AGPAT4: variants seen among roughly 807,000 people sequenced by gnomAD.
AGPAT4 encodes 1-acyl-sn-glycerol-3-phosphate acyltransferase delta.
Under a neutral mutation model 48.0 loss-of-function variants are expected in AGPAT4, and 15 were observed. The observed-to-expected ratio is 0.31, with a 90% CI of 0.21 to 0.48. The LOEUF is 0.48. AGPAT4 is among the 20% of genes least tolerant of loss of function. The pLI, the probability that AGPAT4 is intolerant of heterozygous loss-of-function variation, is 0.99. For synonymous variants in AGPAT4, 178 were observed against 198.7 expected, an observed-to-expected ratio of 0.90 and a Z score of 0.88; for missense variants, 314 against 482.5, an observed-to-expected ratio of 0.65 and a Z score of 3.27.
chr6:161,227,680 TCTC>T (rs1782018657), intron 2 of AGPAT4, among the ~76,000 whole-genome samples: 1 of 152,146 alleles, frequency 6.6e-6, no homozygotes. Context: ...CCAAATCCCT[TCTC>T]GAGTAGCAAA....
rs1474902946 is a variant in AGPAT4, at chr6:161,243,811, A to C, written c.-89-11509T>G. ...TTATCTGTTTGTTTATTTCAATAAGATTTTCCTCAGGTGGACATTTTTAGC... is the reference window on the plus strand; with the variant it reads ...TTATCTGTTTGTTTATTTCAATAAGCTTTTCCTCAGGTGGACATTTTTAGC... On this transcript the variant is annotated intron_variant, in intron 1 of 8. Coordinates refer to ENST00000320285, the MANE Select transcript of AGPAT4 (RefSeq NM_020133.3). The surrounding 1 kb of genome is among the most constrained non-coding windows in gnomAD (Gnocchi z 4.8). 6.6e-6 allele frequency among the ~76,000 whole-genome samples: 1 copy of C among 151,978 alleles called. No homozygotes were observed.
chr6:161,213,446 T>C (rs916951135), intron 2 of AGPAT4, among the ~76,000 whole-genome samples: 1 of 152,208 alleles, frequency 6.6e-6, no homozygotes, highest in African/African-American at 2.4e-5. Flanking sequence ...TTTATTATTT[T>C]CTACAGTTTG....
At chr6:161,167,303 G>C (rs1290461421) in intron 2 of AGPAT4, among the ~76,000 whole-genome samples, 1 of 152,142 alleles carries the variant, frequency 6.6e-6, no homozygotes, top group Non-Finnish European at 1.5e-5. Context: ...ACGGCTCACT[G>C]CAGCCTCAAC....
Position 161,255,026 on chromosome 6 carries a change from T to A in AGPAT4, c.-90+18912A>T, listed in dbSNP as rs1782909208. Among the ~76,000 whole-genome samples, 1 of 152,154 alleles carries A rather than the reference T, an allele frequency of 6.6e-6. No homozygotes were observed. The highest frequency in any genetic ancestry group is 1.9e-4 in the East Asian group (1 of 5,190). ...GTTCCGAGGCCATTGCAGAGCCAGA[T>A]ACGGTTACACAGCCCTTCTGAAGCA... is the stretch of plus-strand genomic sequence containing the variant. On this transcript the variant is annotated intron_variant, in intron 1 of 8. Coordinates refer to ENST00000320285, the MANE Select transcript of AGPAT4 (RefSeq NM_020133.3). The surrounding 1 kb of genome is among the most constrained non-coding windows in gnomAD (Gnocchi z 4.7).
At position 161,270,542 on chromosome 6, in the gene AGPAT4, G is replaced by A. The variant is rs962989221; in HGVS notation, c.-90+3396C>T. Among the ~76,000 whole-genome samples, 2 of 152,188 alleles carry A rather than the reference G, an allele frequency of 1.3e-5. No homozygotes were observed. Among genetic ancestry groups the A allele is most frequent in the African/African-American group, 4.8e-5 (2 of 41,448 alleles). On this transcript the variant is annotated intron_variant, in intron 1 of 8. Coordinates refer to ENST00000320285, the MANE Select transcript of AGPAT4 (RefSeq NM_020133.3). This position sits in a 1 kb window ranked among gnomAD's most constrained non-coding sequence, Gnocchi z 5.3. ...CCAGCATTCTGGGAGGCCAAGGCAG[G>A]TGCATCACCTGAGGTCAGGAGTTCG... is the stretch of plus-strand genomic sequence containing the variant.
At chr6:161,260,206 T>G (rs1337928034) in intron 1 of AGPAT4, among the ~76,000 whole-genome samples, 6 of 152,112 alleles carry the variant, frequency 3.9e-5, no homozygotes, top group African/African-American at 1.4e-4. Flanking sequence ...GGCGATGCCT[T>G]TCATTCCTGC....
chr6:161,241,122 G>A (rs1019497444), intron 1 of AGPAT4, among the ~76,000 whole-genome samples: 1 of 151,888 alleles, frequency 6.6e-6, no homozygotes, highest in Admixed American at 6.6e-5. Flanking sequence ...ATTTAGCTGG[G>A]CGTGGTGGCA....
chr6:161,146,671 G>A lies in AGPAT4; in HGVS notation c.768-72C>T, dbSNP rs1779440730. ...ACAACATACAGTTTCCAGTAACGGT[G>A]CTGCCGTTTTTTGTTTTTATCTGGG... On this transcript the variant is annotated intron_variant, in intron 6 of 8. Coordinates refer to ENST00000320285, the MANE Select transcript of AGPAT4 (RefSeq NM_020133.3). This position sits in a 1 kb window ranked among gnomAD's most constrained non-coding sequence, Gnocchi z 7.1. 6.8e-7 allele frequency: 1 copy of A among 1,465,734 alleles called. No homozygotes were observed. The highest frequency in any genetic ancestry group is 1.7e-5 in the Admixed American group (1 of 57,686). The allele number at this position is 1,465,734 out of a possible 1,614,324, so 90.8% of individuals were successfully genotyped here. A position where few individuals can be genotyped will look rare whatever the true frequency, so the allele number is the denominator to read the frequency against.
rs1222320043 is a variant in AGPAT4, at chr6:161,259,991, G to T, written c.-90+13947C>A. ...CTTCCATTCACCTGGCGCTATACGTGTTTGGGGCTGGGGAGTCTCTGGAAG... is the reference window on the plus strand; with the variant it reads ...CTTCCATTCACCTGGCGCTATACGTTTTTGGGGCTGGGGAGTCTCTGGAAG... On this transcript the variant is annotated intron_variant, in intron 1 of 8. Transcript: ENST00000320285. The surrounding 1 kb of genome is among the most constrained non-coding windows in gnomAD (Gnocchi z 4.9). Among the ~76,000 whole-genome samples, 1 of 152,116 alleles carries T rather than the reference G, an allele frequency of 6.6e-6. No homozygotes were observed. The highest frequency in any genetic ancestry group is 1.5e-5 in the Non-Finnish European group (1 of 68,024).
At position 161,155,254 on chromosome 6, in the gene AGPAT4, A is replaced by T. The variant is rs1394992294; in HGVS notation, c.349-944T>A. 3.9e-5 allele frequency among the ~76,000 whole-genome samples: 6 copies of T among 152,288 alleles called. No homozygotes were observed. The highest frequency in any genetic ancestry group is 2.9e-5 in the Non-Finnish European group (2 of 68,012). On this transcript the variant is annotated intron_variant, in intron 3 of 8. Transcript: ENST00000320285. This position sits in a 1 kb window ranked among gnomAD's most constrained non-coding sequence, Gnocchi z 5.8. ...TTCAGTGGGATGGACGGGGCAGTGG[A>T]GACACAAAAACTGCTTTTTATCTGA...
At chr6:161,185,861 G>A (rs1780753522) in intron 2 of AGPAT4, among the ~76,000 whole-genome samples, 1 of 152,096 alleles carries the variant, frequency 6.6e-6, no homozygotes, top group Non-Finnish European at 1.5e-5. Context: ...GGTCATGCCT[G>A]GATTTTCTTT....
chr6:161,166,035 G>A lies in AGPAT4; in HGVS notation c.348+213C>T, dbSNP rs974274866. 2 of 646,486 alleles carry A rather than the reference G, an allele frequency of 3.1e-6. No homozygotes were observed. The highest frequency in any genetic ancestry group is 3.7e-5 in the African/African-American group (2 of 54,606). The allele number at this position is 646,486 out of a possible 1,614,324, so 40.0% of individuals were successfully genotyped here. Reference sequence around the variant, plus strand: ...GAATCATATGTAAAATGGCCGGCAGGTAGCAATTGTTGAGTACCTCTTATG... The same window carrying A: ...GAATCATATGTAAAATGGCCGGCAGATAGCAATTGTTGAGTACCTCTTATG... On this transcript the variant is annotated intron_variant, in intron 3 of 8. Coordinates refer to ENST00000320285, the MANE Select transcript of AGPAT4 (RefSeq NM_020133.3). This position sits in a 1 kb window ranked among gnomAD's most constrained non-coding sequence, Gnocchi z 6.7.
rs556512536 is a variant in AGPAT4 at position 161,137,268 on chromosome 6, T to G, written c.1043-634A>C. ...CTACACCCTCTGGAGCGGGCAGATGTGGTGAGGTCCTTGGGTGCAGGGCCC... is the reference window on the plus strand; with the variant it reads ...CTACACCCTCTGGAGCGGGCAGATGGGGTGAGGTCCTTGGGTGCAGGGCCC... On this transcript the variant is annotated intron_variant, in intron 8 of 8. Coordinates refer to ENST00000320285, the MANE Select transcript of AGPAT4 (RefSeq NM_020133.3). This position sits in a 1 kb window ranked among gnomAD's most constrained non-coding sequence, Gnocchi z 6.1. Among the ~76,000 whole-genome samples, 1 of 152,260 alleles carries G rather than the reference T, an allele frequency of 6.6e-6. No homozygotes were observed. Among genetic ancestry groups the G allele is most frequent in the Non-Finnish European group, 1.5e-5 (1 of 68,010 alleles).
chr6:161,205,233 C>T lies in AGPAT4; in HGVS notation c.178+26803G>A, dbSNP rs147621088. 4.0e-3 allele frequency among the ~76,000 whole-genome samples: 607 copies of T among 152,276 alleles called. 1 individual carries two copies. The highest frequency in any genetic ancestry group is 0.01 in the Middle Eastern group (3 of 294). ...ACCACAGAGAGTGGGCATGCACATCCCACTGACCAGAGGGCCTTGTGCCAA... is the reference window on the plus strand; with the variant it reads ...ACCACAGAGAGTGGGCATGCACATCTCACTGACCAGAGGGCCTTGTGCCAA... On this transcript the variant is annotated intron_variant, in intron 2 of 8. Coordinates refer to ENST00000320285, the MANE Select transcript of AGPAT4 (RefSeq NM_020133.3).
At position 161,220,427 on chromosome 6, in the gene AGPAT4, CAGAT is replaced by C. The variant is rs566386145; in HGVS notation, c.178+11605_178+11608del. Among the ~76,000 whole-genome samples the C allele has an allele frequency of 4.8e-3, 734 of 152,264 alleles. 3 individuals are homozygous for C. Among genetic ancestry groups the C allele is most frequent in the Non-Finnish European group, 7.7e-3 (524 of 68,032 alleles). On this transcript the variant is annotated intron_variant, in intron 2 of 8. Coordinates refer to ENST00000320285, the MANE Select transcript of AGPAT4 (RefSeq NM_020133.3). This position sits in a 1 kb window ranked among gnomAD's most constrained non-coding sequence, Gnocchi z 6.0. The stretch of plus-strand genomic sequence containing the variant: ...TTACATCTGAAATGAGCTGGAGAGG[CAGAT>C]AGACAGCTTCCTCGATACTTCAGAT...
rs896356618 is a variant in AGPAT4 at position 161,198,571 on chromosome 6, C to T, written c.179-32154G>A. Among the ~76,000 whole-genome samples, 2 of 152,214 alleles carry T rather than the reference C, an allele frequency of 1.3e-5. No homozygotes were observed. The highest frequency in any genetic ancestry group is 2.9e-5 in the Non-Finnish European group (2 of 68,042). ...CACTACCTTTATGGTAGAATTTAGA[C>T]ACATAATTGCTCAGGCTGGGTTACA... On this transcript the variant is annotated intron_variant, in intron 2 of 8. Coordinates refer to ENST00000320285, the MANE Select transcript of AGPAT4 (RefSeq NM_020133.3). This position sits in a 1 kb window ranked among gnomAD's most constrained non-coding sequence, Gnocchi z 4.3.
At chr6:161,207,739 G>A (rs1452449876) in intron 2 of AGPAT4, among the ~76,000 whole-genome samples, 1 of 152,214 alleles carries the variant, frequency 6.6e-6, no homozygotes, top group East Asian at 1.9e-4. Context: ...AAATGGGGAT[G>A]GAGTGGAGGT....
At chr6:161,182,209 T>A (rs905606904) in intron 2 of AGPAT4, among the ~76,000 whole-genome samples, 39 of 137,610 alleles carry the variant, frequency 2.8e-4, no homozygotes, top group East Asian at 1.2e-3. Flanking sequence ...CAGCCCTGCA[T>A]CCCAGCCTCT....
At position 161,149,022 on chromosome 6, in the gene AGPAT4, C is replaced by T. The variant is rs1395205740; in HGVS notation, c.767+165G>A. 5 of 561,684 alleles carry T rather than the reference C, an allele frequency of 8.9e-6. No homozygotes were observed. The Admixed American group carries it at 2.5e-4, about 28-fold the overall frequency. 34.8% of individuals were successfully genotyped at this position (561,684 alleles called of 1,614,324 possible). On this transcript the variant is annotated intron_variant, in intron 6 of 8. Transcript: ENST00000320285. This position sits in a 1 kb window ranked among gnomAD's most constrained non-coding sequence, Gnocchi z 6.5. ...AAGGAGCTGGGACGGAAGGAGACTT[C>T]AGCAGATCATTCCAATAGTAGGATG...
Sources: allele counts gnomAD v4.1 joint callset (sites outside exome capture counted in the v4.1 genomes callset), GRCh38; gene constraint gnomAD v4.1.1; non-coding constraint Gnocchi (gnomAD v3.1); transcripts MANE v1.5; gene names NCBI Gene and HGNC (gene_info 2026-07-23, HGNC 2026-07-21).